CDH18: variants seen among roughly 807,000 people sequenced by gnomAD.
The protein encoded by CDH18 is cadherin-18.
Under a neutral mutation model 67.9 loss-of-function variants are expected in CDH18, and 31 were observed. The ratio of observed to expected loss-of-function variants is 0.46; its 90% CI spans 0.34 to 0.62. The LOEUF (loss-of-function observed/expected upper bound fraction) is 0.62, where lower values mean the gene tolerates loss of function less well. Among genes scored for constraint, CDH18 ranks in the 20% least tolerant of loss-of-function variants. The pLI is 0.01. For missense variants in CDH18, 890 were observed against 975.5 expected (o/e 0.91, Z 1.17); for synonymous variants, 362 against 347.2 (o/e 1.04, Z -0.48).
intron 1 of CDH18, among the ~76,000 whole-genome samples, chr5:20,550,402 C>T (rs1268426951): frequency 2.6e-5 from 4 of 152,128 alleles, no homozygotes; most frequent in Non-Finnish European, 4.4e-5. Flanking sequence ...TTTAGTAATA[C>T]AAGGACCTAA....
chr5:20,031,438 A>C (rs963720882), intron 2 of CDH18, among the ~76,000 whole-genome samples: 2 of 152,068 alleles, frequency 1.3e-5, no homozygotes, highest in Non-Finnish European at 2.9e-5. Context: ...AAAGGCTAAG[A>C]ATTCTCCAGT....
intron 1 of CDH18, among the ~76,000 whole-genome samples, chr5:20,338,887 C>G (rs1293780978): frequency 3.3e-5 from 5 of 152,190 alleles, no homozygotes; most frequent in African/African-American, 7.2e-5. Context: ...AAGACACCAA[C>G]AGTGGAGAGC....
At chr5:20,195,581 G>T (rs1290622932) in intron 2 of CDH18, among the ~76,000 whole-genome samples, 1 of 151,938 alleles carries the variant, frequency 6.6e-6, no homozygotes, top group Non-Finnish European at 1.5e-5. Flanking sequence ...GTATATCTAT[G>T]ATTGAATATA....
In CDH18 at chr5:19,591,121, C is replaced by T; in HGVS notation, c.935G>A (p.Gly312Asp). The T allele has an allele frequency of 1.9e-6, 3 of 1,611,340 alleles. No homozygotes were observed. The highest frequency in any genetic ancestry group is 2.5e-6 in the Non-Finnish European group (3 of 1,178,112). ...DMTYSIINGD[G>D]MGIFSISTDK... ...AGTGGAGATTGAGAATATTCCCATG[C>T]CATCACCATTTATGATGGAGTAGGT... Residue 312 changes from glycine to aspartate, a missense_variant, in exon 7 of 13, where the codon GGC becomes GAC. Gly to Asp is a moderately conservative substitution (Grantham distance 94, BLOSUM62 -1). Around this residue, in one of 2 missense-constraint regions of CDH18, gnomAD observed 656 missense variants for 668.1 expected, o/e 0.98. Transcript: ENST00000382275.
intron 2 of CDH18, among the ~76,000 whole-genome samples, chr5:20,158,173 T>C (rs1396058519): frequency 6.6e-6 from 1 of 152,198 alleles, no homozygotes; most frequent in African/African-American, 2.4e-5. Context: ...ATATTCTTTG[T>C]TCATGTTGGA....
At chr5:20,426,399 C>T (rs143460332) in intron 1 of CDH18, among the ~76,000 whole-genome samples, 3 of 150,938 alleles carry the variant, frequency 2.0e-5, no homozygotes, top group South Asian at 2.1e-4. Flanking sequence ...CTCTTTTAAC[C>T]GTATTTCTGT....
intron 2 of CDH18, among the ~76,000 whole-genome samples, chr5:19,887,932 T>C (rs1422385402): frequency 6.6e-6 from 1 of 152,046 alleles, no homozygotes; most frequent in Admixed American, 6.6e-5. Flanking sequence ...GAATTGAATA[T>C]TCAGTTGATT....
intron 2 of CDH18, among the ~76,000 whole-genome samples, chr5:20,084,962 C>T (rs1482002794): frequency 6.6e-6 from 1 of 152,152 alleles, no homozygotes; most frequent in Non-Finnish European, 1.5e-5. Flanking sequence ...AGACATTTTC[C>T]ACATTGTCTT....
At chr5:20,430,540 G>C (rs1466240828) in intron 1 of CDH18, among the ~76,000 whole-genome samples, 1 of 152,030 alleles carries the variant, frequency 6.6e-6, no homozygotes, top group Non-Finnish European at 1.5e-5. Flanking sequence ...ATATACCTTG[G>C]ACTCAGGTAT....
At position 19,612,586 on chromosome 5, in the gene CDH18, G is replaced by C. The variant is rs765869002; in HGVS notation, c.659C>G (p.Ala220Gly). 4 of 1,612,842 alleles carry C rather than the reference G, an allele frequency of 2.5e-6. No homozygotes were observed. The highest frequency in any genetic ancestry group is 1.1e-5 in the South Asian group (1 of 91,066). ...VDPKTGVIRT[A>G]LHNMDREARE... ...GGCTTCTCTGTCCATGTTATGTAAG[G>C]CCGTTCTAATAACTCCTGTAATAGA... The change falls in exon 6 of 13, where the codon GCC becomes GGC. Residue 220 changes from alanine to glycine, a missense_variant. Around this residue, in one of 2 missense-constraint regions of CDH18, gnomAD observed 234 missense variants for 307.4 expected, o/e 0.76. Coordinates refer to ENST00000382275, the MANE Select transcript of CDH18 (RefSeq NM_004934.5).
chr5:19,844,035 G>T (rs1782644298), intron 2 of CDH18, among the ~76,000 whole-genome samples: 1 of 152,168 alleles, frequency 6.6e-6, no homozygotes, highest in Non-Finnish European at 1.5e-5. Context: ...ACTTGCTTTT[G>T]ATTTTATAGG....
At chr5:19,560,347 C>T (rs954640730) in intron 8 of CDH18, among the ~76,000 whole-genome samples, 7 of 151,870 alleles carry the variant, frequency 4.6e-5, no homozygotes, top group Non-Finnish European at 8.8e-5. Context: ...ATAGATAACC[C>T]AGAAATAAAG....
chr5:19,629,265 T>C (rs1752050764), intron 5 of CDH18, among the ~76,000 whole-genome samples: 1 of 152,134 alleles, frequency 6.6e-6, no homozygotes, highest in African/African-American at 2.4e-5. Context: ...ATGAGAAGTA[T>C]CAGGTAAAGA....
At chr5:20,434,047 G>A (rs1748977845) in intron 1 of CDH18, among the ~76,000 whole-genome samples, 1 of 152,060 alleles carries the variant, frequency 6.6e-6, no homozygotes, top group African/African-American at 2.4e-5. Flanking sequence ...AGGAATGTTT[G>A]TTTTTTGAGC....
intron 3 of CDH18, among the ~76,000 whole-genome samples, chr5:19,820,611 T>C (rs561714320): frequency 1.3e-5 from 2 of 152,178 alleles, no homozygotes; most frequent in Non-Finnish European, 2.9e-5. Flanking sequence ...TTGACTCAAG[T>C]AGCCCCTGTG....
chr5:19,921,342 T>A (rs191098058), intron 2 of CDH18, among the ~76,000 whole-genome samples: 16 of 151,986 alleles, frequency 1.1e-4, no homozygotes, highest in Non-Finnish European at 2.2e-4. Flanking sequence ...CTATCCTGGC[T>A]AACACAGTGA....
intron 5 of CDH18, among the ~76,000 whole-genome samples, chr5:19,693,225 T>C (rs1762127965): frequency 1.3e-5 from 2 of 152,178 alleles, no homozygotes; most frequent in South Asian, 4.1e-4. Flanking sequence ...AGTAGCATGA[T>C]AGTTATCAGA....
chr5:19,830,174 C>A (rs1027043473), intron 3 of CDH18, among the ~76,000 whole-genome samples: 3 of 151,890 alleles, frequency 2.0e-5, no homozygotes, highest in Non-Finnish European at 4.4e-5. Context: ...TGCAACTAAA[C>A]AAAAAATGAC....
chr5:19,905,950 T>C (rs1579525270), intron 2 of CDH18, among the ~76,000 whole-genome samples: 1 of 152,208 alleles, frequency 6.6e-6, no homozygotes, highest in Non-Finnish European at 1.5e-5. Context: ...AATACCATCT[T>C]TTCTTTCTAG....
Sources: allele counts gnomAD v4.1 joint callset (sites outside exome capture counted in the v4.1 genomes callset), GRCh38; gene constraint gnomAD v4.1.1; regional missense constraint gnomAD v4.1.1; transcripts MANE v1.5; gene names NCBI Gene and HGNC (gene_info 2026-07-23, HGNC 2026-07-21).